The following LAIR1 variants were observed in gnomAD, a reference collection of about 807,000 sequenced individuals.
The protein encoded by LAIR1 is leukocyte-associated immunoglobulin-like receptor 1.
LAIR1 carries 24 observed loss-of-function variants against 32.8 expected under a neutral mutation model. The observed-to-expected ratio is 0.73, with a 90% CI of 0.53 to 1.03. LAIR1 has a LOEUF of 1.03. LAIR1 is among the 50% of genes least tolerant of loss of function. The pLI, the probability that LAIR1 is intolerant of heterozygous loss-of-function variation, is 0.00. For synonymous variants in LAIR1, 150 were observed against 140.5 expected, an observed-to-expected ratio of 1.07 and a Z score of -0.48; for missense variants, 355 against 347.5, an observed-to-expected ratio of 1.02 and a Z score of -0.17.
chr19:54,356,891 C>G (rs1013920649), intron 5 of LAIR1, 37 bp downstream of exon 5: 1 of 1,612,904 alleles, frequency 6.2e-7, no homozygotes. Context: ...CCAAGAGGCA[C>G]ACACCAGCTT....
At chr19:54,375,858 A>G in the LAIR1 span, among the ~76,000 whole-genome samples, 2 of 151,850 alleles carry the variant, frequency 1.3e-5, no homozygotes, top group Non-Finnish European at 2.9e-5. Context: ...CAAAAGTCAT[A>G]TATAGCATAT....
At chr19:54,373,612 C>G (rs1326083607), upstream of LAIR1, among the ~76,000 whole-genome samples, 1 of 152,018 alleles carries the variant, frequency 6.6e-6, no homozygotes, top group Non-Finnish European at 1.5e-5. Context: ...TAGCAAATCA[C>G]AAATTATTTC....
upstream of LAIR1, among the ~76,000 whole-genome samples, chr19:54,372,441 C>A (rs1601353168): frequency 1.3e-5 from 2 of 150,866 alleles, no homozygotes; most frequent in African/African-American, 2.5e-5. Flanking sequence ...CCCACAGCCT[C>A]AGAGAACTTT....
upstream of LAIR1, chr19:54,370,582 A>G (rs969737968): frequency 9.4e-6 from 3 of 317,822 alleles, no homozygotes; most frequent in Non-Finnish European, 1.7e-5. Flanking sequence ...AGCAAAACTG[A>G]AAACCGCACA....
intron 1 of LAIR1, among the ~76,000 whole-genome samples, chr19:54,370,069 GC>G (rs2122650802): frequency 6.8e-6 from 1 of 148,020 alleles, no homozygotes; most frequent in South Asian, 2.2e-4. Context: ...CCAAAGGGAA[GC>G]GTCTACAGAA....
Position 54,361,141 on chromosome 19 carries a change from A to C in LAIR1, c.139T>G (p.Phe47Val). ...TVIPLGSHVT[F>V]VCRGPVGVQT... ...ACCCCAACCGGGCCCCGGCACACGA[A>C]AGTCACATGGCTCCCCAGGGGGATC... is the stretch of plus-strand genomic sequence containing the variant. Residue 47 changes from phenylalanine to valine, a missense_variant, in exon 3 of 10, where the codon TTC (phenylalanine) becomes GTC (valine). Coordinates refer to ENST00000391742, the MANE Select transcript of LAIR1 (RefSeq NM_002287.6). 6.2e-7 allele frequency: 1 copy of C among 1,614,110 alleles called. No homozygotes were observed. Among genetic ancestry groups the C allele is most frequent in the East Asian group, 2.2e-5 (1 of 44,868 alleles).
intron 2 of LAIR1, among the ~76,000 whole-genome samples, chr19:54,363,471 G>T (rs1377635879): frequency 1.3e-5 from 2 of 152,126 alleles, no homozygotes; most frequent in Non-Finnish European, 2.9e-5. Context: ...TGTGGAAATC[G>T]GTGTGCGGAG....
At chr19:54,374,031 T>C (rs2082462706), upstream of LAIR1, among the ~76,000 whole-genome samples, 1 of 152,198 alleles carries the variant, frequency 6.6e-6, no homozygotes, top group African/African-American at 2.4e-5. Flanking sequence ...AAAAAGTCCC[T>C]TGGTGGGGGT....
intron 3 of LAIR1, 77 bp downstream of exon 3, chr19:54,360,839 G>T (rs1047781349): frequency 1.3e-5 from 19 of 1,438,996 alleles, no homozygotes; most frequent in Non-Finnish European, 1.7e-5. Context: ...GACAGCAGCT[G>T]GGACAGGGTC....
At position 54,360,763 on chromosome 19, in the gene LAIR1, T is replaced by C. The variant is rs1032270686; in HGVS notation, c.364+153A>G. The C allele has an allele frequency of 3.2e-5, 21 of 649,244 alleles. No homozygotes were observed. The African/African-American group carries it at 4.3e-4, about 13-fold the overall frequency. The allele number at this position is 649,244 out of a possible 1,614,324, so 40.2% of individuals were successfully genotyped here. On this transcript the variant is annotated intron_variant, in intron 3 of 9. Transcript: ENST00000391742. ...AGCAGGTGTGAGGGCAGAGGGGAGG[T>C]GTGTGCAGAGGAAGAAGGGGAGGGG...
intron 2 of LAIR1, among the ~76,000 whole-genome samples, chr19:54,362,733 A>C (rs2082085496): frequency 1.3e-5 from 2 of 152,034 alleles, no homozygotes; most frequent in Non-Finnish European, 2.9e-5. Context: ...TGATCCACCC[A>C]CCTCCGCCTC....
chr19:54,360,621 T>C, intron 3 of LAIR1: 1 of 507,374 alleles, frequency 2.0e-6, no homozygotes, highest in Non-Finnish European at 3.5e-6. Flanking sequence ...CCCCCTAATC[T>C]CTGGGAACCC....
chr19:54,371,867 T>C (rs2082413465), upstream of LAIR1, among the ~76,000 whole-genome samples: 2 of 151,648 alleles, frequency 1.3e-5, 1 homozygote, highest in African/African-American at 4.9e-5. Flanking sequence ...TTTTGCCTTT[T>C]CCAGAATGTC....
rs3745440 is a variant in LAIR1 at position 54,364,787 on chromosome 19, G to A, written c.18C>T (p.Thr6=). 2,943 of 1,614,008 alleles carry A rather than the reference G, an allele frequency of 1.8e-3. 35 individuals carry two copies. In the African/African-American group the frequency reaches 0.027, roughly 15 times the overall value. ...AGGACTCACCTAGGCCCAGGAGGGC[G>A]GTGGGGTGGGGAGACATGGCCCAGG... is the stretch of plus-strand genomic sequence containing the variant. The part of the protein sequence containing the change: MSPHP[T]ALLGLVLCLA... Residue 6 remains threonine (T), a synonymous_variant, in exon 1 of 10, where the codon ACC becomes ACT. Transcript: ENST00000391742. The surrounding 1 kb of genome is among the most constrained non-coding windows in gnomAD (Gnocchi z 4.8).
chr19:54,367,615 G>A (rs1383593952), upstream of LAIR1, among the ~76,000 whole-genome samples: 2 of 150,848 alleles, frequency 1.3e-5, no homozygotes, highest in Non-Finnish European at 1.5e-5. Context: ...GCGTGGTGGT[G>A]GGCGCCTGTA....
upstream of LAIR1, among the ~76,000 whole-genome samples, chr19:54,366,572 T>A (rs2082261156): frequency 1.3e-5 from 2 of 152,088 alleles, no homozygotes; most frequent in Admixed American, 1.3e-4. Context: ...CCCTGCAACC[T>A]CTGCCTCCCA....
At chr19:54,362,642 G>A (rs2082081206) in intron 2 of LAIR1, among the ~76,000 whole-genome samples, 1 of 152,064 alleles carries the variant, frequency 6.6e-6, no homozygotes, top group South Asian at 2.1e-4. Context: ...ACTCCACCAC[G>A]CCCAGCTAAT....
At chr19:54,373,246 T>C (rs150637324), upstream of LAIR1, among the ~76,000 whole-genome samples, 2 of 150,422 alleles carry the variant, frequency 1.3e-5, no homozygotes, top group Non-Finnish European at 2.9e-5. Flanking sequence ...ATCGAGACCA[T>C]CCTGGCCAAC....
chr19:54,365,123 G>A, upstream of LAIR1: 1 of 1,154,842 alleles, frequency 8.7e-7, no homozygotes, highest in Non-Finnish European at 1.1e-6. Context: ...ATAAAGGTCG[G>A]GCAACCAATT....
Sources: gnomAD v4.1 joint callset for allele counts (sites outside exome capture counted in the v4.1 genomes callset) on GRCh38, gnomAD v4.1.1 for gene constraint, Gnocchi (gnomAD v3.1) non-coding constraint, MANE v1.5 for transcripts, NCBI Gene and HGNC (gene_info 2026-07-23, HGNC 2026-07-21) for gene names.